TENM1: variants seen among roughly 807,000 people sequenced by gnomAD.
TENM1 encodes teneurin-1.
A neutral mutation model predicts 174.8 loss-of-function variants in TENM1; 35 were observed. The observed-to-expected ratio is 0.20, with a 90% CI of 0.15 to 0.27. The LOEUF is 0.27. Ranked by LOEUF, TENM1 falls within the 10% of genes least tolerant of loss-of-function variation. TENM1 has a pLI of 1.00. For missense variants in TENM1, 1,633 were observed against 2,130.1 expected, an observed-to-expected ratio of 0.77 and a Z score of 4.59; for synonymous variants, 781 against 798.7, an observed-to-expected ratio of 0.98 and a Z score of 0.37.
chrX:124,869,888 A>C (rs893872388), intron 3 of TENM1, among the ~76,000 whole-genome samples: 1 of 111,097 alleles, frequency 9.0e-6, no homozygotes, highest in Admixed American at 9.6e-5. Flanking sequence ...AAATAGAAAG[A>C]ACAAATGAGA....
At chrX:124,998,846 C>T in the TENM1 span, among the ~76,000 whole-genome samples, 1 of 111,361 alleles carries the variant, frequency 9.0e-6, no homozygotes, top group Non-Finnish European at 1.9e-5. Context: ...ATTAGGAAAC[C>T]ATGCACTTAT....
chrX:124,530,254 A>G (rs2048075376), intron 15 of TENM1, among the ~76,000 whole-genome samples: 1 of 110,410 alleles, frequency 9.1e-6, no homozygotes, highest in Admixed American at 9.7e-5. Flanking sequence ...TCCTTAATAT[A>G]TCATTTTTGT....
chrX:124,696,659 ATTAG>A (rs1430934367), intron 5 of TENM1, among the ~76,000 whole-genome samples: 2 of 111,152 alleles, frequency 1.8e-5, no homozygotes. Context: ...CCATAATTTT[ATTAG>A]TTAATTCTGC....
At chrX:125,005,096 A>G in the TENM1 span, among the ~76,000 whole-genome samples, 2 of 108,976 alleles carry the variant, frequency 1.8e-5, no homozygotes, top group African/African-American at 6.7e-5. Context: ...CTAAATTTCT[A>G]TTCAAAATTC....
At chrX:124,470,378 G>T (rs757497429) in intron 22 of TENM1, among the ~76,000 whole-genome samples, 1 of 110,871 alleles carries the variant, frequency 9.0e-6, no homozygotes, top group East Asian at 2.8e-4. Flanking sequence ...ATATGGTATG[G>T]TTTCCTTTTA....
intron 16 of TENM1, among the ~76,000 whole-genome samples, chrX:124,526,487 G>A (rs1285983142): frequency 8.9e-6 from 1 of 112,237 alleles, no homozygotes; most frequent in African/African-American, 3.2e-5. Flanking sequence ...CTCATTAATT[G>A]ACATGGAGAC....
intron 18 of TENM1, among the ~76,000 whole-genome samples, chrX:124,506,781 C>G (rs182843600): frequency 1.3e-4 from 15 of 111,825 alleles, no homozygotes; most frequent in Non-Finnish European, 2.8e-4. Context: ...GAGCTTCTCT[C>G]CAAGCTCACA....
chrX:125,145,566 A>T, the TENM1 span, among the ~76,000 whole-genome samples: 1 of 112,715 alleles, frequency 8.9e-6, no homozygotes, highest in Non-Finnish European at 1.9e-5. Flanking sequence ...GTGCAACATT[A>T]ATATTAATAA....
intron 22 of TENM1, among the ~76,000 whole-genome samples, chrX:124,471,323 TAATATATAGTACTATATATAA>T (rs1569533457): frequency 0.019 from 478 of 25,689 alleles, 32 homozygotes; most frequent in Non-Finnish European, 0.026. Flanking sequence ...CTATATATTA[TAATATATAGTACTATATATAA>T]TATATATTAT....
intron 19 of TENM1, among the ~76,000 whole-genome samples, chrX:124,498,402 G>A (rs148482893): frequency 0.016 from 1,799 of 110,316 alleles, 36 homozygotes; most frequent in African/African-American, 0.055. Flanking sequence ...CCTTTCAATA[G>A]CTCCATATCC....
intron 27 of TENM1, among the ~76,000 whole-genome samples, chrX:124,398,164 C>T (rs2147644938): frequency 9.2e-6 from 1 of 108,356 alleles, no homozygotes; most frequent in South Asian, 4.2e-4. Context: ...GGAGACGGAG[C>T]TTGCAGTGGG....
At chrX:124,695,236 C>A (rs2052621720) in intron 5 of TENM1, among the ~76,000 whole-genome samples, 1 of 111,133 alleles carries the variant, frequency 9.0e-6, no homozygotes, top group African/African-American at 3.3e-5. Flanking sequence ...TTTGCCACAA[C>A]AAAGACTGAA....
At chrX:125,112,065 T>C in the TENM1 span, among the ~76,000 whole-genome samples, 1 of 110,531 alleles carries the variant, frequency 9.0e-6, no homozygotes, top group African/African-American at 3.3e-5. Flanking sequence ...TTTCCATTTA[T>C]GTCTTTTACA....
At chrX:125,117,010 CA>C in the TENM1 span, among the ~76,000 whole-genome samples, 8,538 of 47,191 alleles carry the variant, frequency 0.18, 398 homozygotes, top group Admixed American at 0.33. Context: ...GACTCTGTCT[CA>C]AAAAAAAAAA....
At chrX:124,723,925 A>G (rs771041635) in intron 4 of TENM1, among the ~76,000 whole-genome samples, 1 of 111,520 alleles carries the variant, frequency 9.0e-6, no homozygotes, top group Non-Finnish European at 1.9e-5. Flanking sequence ...TGACTCCACT[A>G]CACGTAACTG....
Position 124,951,392 on chromosome X carries a change from G to A in TENM1, c.217+12145C>T, listed in dbSNP as rs1482397680. ...GCTGACCAGAATAACATCCTTCTGT[G>A]TATACAAACAATGTTCTAAACCAAT... On this transcript the variant is annotated intron_variant, in intron 1 of 31. Coordinates refer to ENST00000422452, the Ensembl canonical transcript of TENM1. 3.6e-5 allele frequency among the ~76,000 whole-genome samples: 4 copies of A among 110,326 alleles called. No individual in the cohort carries two copies. The East Asian group carries it at 1.1e-3, about 32-fold the overall frequency.
At chrX:124,517,803 A>C (rs2047748132) in intron 18 of TENM1, among the ~76,000 whole-genome samples, 2 of 95,932 alleles carry the variant, frequency 2.1e-5, no homozygotes, top group African/African-American at 7.7e-5. Context: ...CCTACAACTT[A>C]AAGTATAATA....
chrX:125,109,564 T>G, the TENM1 span, among the ~76,000 whole-genome samples: 1 of 110,744 alleles, frequency 9.0e-6, no homozygotes, highest in Non-Finnish European at 1.9e-5. Context: ...GCAGGAACAG[T>G]AATTGGTCTT....
intron 3 of TENM1, among the ~76,000 whole-genome samples, chrX:124,757,152 C>T (rs1359237491): frequency 8.9e-6 from 1 of 112,615 alleles, no homozygotes; most frequent in Non-Finnish European, 1.9e-5. Context: ...CCACCCAGTT[C>T]GAGCTTCCGG....
Sources: allele counts gnomAD v4.1 joint callset (sites outside exome capture counted in the v4.1 genomes callset), GRCh38; gene constraint gnomAD v4.1.1; transcripts MANE v1.5; gene names NCBI Gene and HGNC (gene_info 2026-07-23, HGNC 2026-07-21).